Variants in PABPC4L observed in about 807,000 individuals in gnomAD.
PABPC4L encodes poly(A) binding protein cytoplasmic 4 like.
For missense variants in PABPC4L, 452 were observed against 451.4 expected (o/e 1.00, Z -0.01); for synonymous variants, 169 against 164.1 (o/e 1.03, Z -0.23).
At chr4:134,190,804 A>C in the PABPC4L span, among the ~76,000 whole-genome samples, 1 of 151,940 alleles carries the variant, frequency 6.6e-6, no homozygotes, top group African/African-American at 2.4e-5. Context: ...GGTGCACCTC[A>C]CCACGCCTAG....
rs1225584518 is a variant in PABPC4L at position 134,198,305 on chromosome 4, T to C, written c.*1602A>G. ...TAACAAATTATAATAGGGAATTGGT[T>C]TGCATAATACAATTATATGCAAATT... On this transcript the variant is annotated 3_prime_UTR_variant, in exon 2 of 2. Transcript: ENST00000421491. 1.3e-5 allele frequency: 2 copies of C among 151,664 alleles called. No individual in the cohort carries two copies. The highest frequency in any genetic ancestry group is 3.0e-5 in the Non-Finnish European group (2 of 67,692). 9.4% of individuals were successfully genotyped at this position (151,664 alleles called of 1,614,324 possible).
chr4:134,178,494 T>TA, the PABPC4L span, among the ~76,000 whole-genome samples: 4 of 151,572 alleles, frequency 2.6e-5, no homozygotes, highest in East Asian at 5.9e-4. Context: ...AGTGTTTTTT[T>TA]ACCTCCAAAT....
At chr4:133,959,389 A>C in the PABPC4L span, among the ~76,000 whole-genome samples, 1 of 152,210 alleles carries the variant, frequency 6.6e-6, no homozygotes, top group East Asian at 1.9e-4. Flanking sequence ...CAGAGCTGAC[A>C]TTTTAGATGA....
At chr4:134,173,961 C>G in the PABPC4L span, among the ~76,000 whole-genome samples, 3 of 152,014 alleles carry the variant, frequency 2.0e-5, no homozygotes, top group East Asian at 1.9e-4. Flanking sequence ...TTGGTAATAA[C>G]AGCTTAAAAC....
chr4:133,981,455 T>C, the PABPC4L span, among the ~76,000 whole-genome samples: 29 of 152,248 alleles, frequency 1.9e-4, no homozygotes, highest in African/African-American at 6.3e-4. Flanking sequence ...AAAAAATAGA[T>C]GTGCTCAATT....
At chr4:134,166,120 G>A in the PABPC4L span, among the ~76,000 whole-genome samples, 1 of 152,100 alleles carries the variant, frequency 6.6e-6, no homozygotes, top group Non-Finnish European at 1.5e-5. Flanking sequence ...ACACCACAGA[G>A]GCAGAAGCCA....
the PABPC4L span, among the ~76,000 whole-genome samples, chr4:134,031,460 A>T: frequency 6.6e-6 from 1 of 151,928 alleles, no homozygotes; most frequent in Non-Finnish European, 1.5e-5. Flanking sequence ...AGTAAATTGA[A>T]TTTTTTGTAA....
chr4:134,088,139 C>G, the PABPC4L span, among the ~76,000 whole-genome samples: 1 of 152,046 alleles, frequency 6.6e-6, no homozygotes, highest in Non-Finnish European at 1.5e-5. Flanking sequence ...ATTGTTATAT[C>G]CTCCTCATCT....
the PABPC4L span, among the ~76,000 whole-genome samples, chr4:133,996,383 G>A: frequency 3.9e-5 from 6 of 152,042 alleles, no homozygotes; most frequent in African/African-American, 1.4e-4. Flanking sequence ...ATGGGTTATG[G>A]GAAACAATAG....
chr4:133,968,986 G>T, the PABPC4L span, among the ~76,000 whole-genome samples: 2 of 152,164 alleles, frequency 1.3e-5, no homozygotes, highest in Non-Finnish European at 1.5e-5. Context: ...TCTAATAGGA[G>T]AAACTTTTAA....
At chr4:134,100,544 A>G in the PABPC4L span, among the ~76,000 whole-genome samples, 228 of 151,788 alleles carry the variant, frequency 1.5e-3, 1 homozygote, top group Middle Eastern at 3.4e-3. Context: ...CATGAATACA[A>G]TAATGCAACC....
At chr4:133,978,538 C>A in the PABPC4L span, among the ~76,000 whole-genome samples, 4 of 151,036 alleles carry the variant, frequency 2.6e-5, no homozygotes, top group Admixed American at 2.7e-4. Flanking sequence ...ATAGCTTGAG[C>A]CCGGGAGGTG....
the PABPC4L span, among the ~76,000 whole-genome samples, chr4:134,031,223 TC>T: frequency 2.0e-5 from 3 of 151,922 alleles, no homozygotes; most frequent in South Asian, 4.1e-4. Context: ...TAGGAAGGAG[TC>T]CGCCATAAAC....
the PABPC4L span, among the ~76,000 whole-genome samples, chr4:134,085,547 T>C: frequency 6.6e-6 from 1 of 152,126 alleles, no homozygotes; most frequent in Non-Finnish European, 1.5e-5. Context: ...CAAGAACTAC[T>C]GTAGAAATCT....
the PABPC4L span, among the ~76,000 whole-genome samples, chr4:134,173,972 A>G: frequency 5.9e-5 from 9 of 152,126 alleles, no homozygotes; most frequent in Admixed American, 5.9e-4. Context: ...AGCTTAAAAC[A>G]CAAACACATT....
chr4:134,025,091 G>A, the PABPC4L span, among the ~76,000 whole-genome samples: 1 of 150,666 alleles, frequency 6.6e-6, no homozygotes, highest in African/African-American at 2.4e-5. Context: ...AGCACTTTGG[G>A]AGGCCAAGGT....
At chr4:134,127,355 A>T in the PABPC4L span, among the ~76,000 whole-genome samples, 27 of 152,022 alleles carry the variant, frequency 1.8e-4, no homozygotes, top group Non-Finnish European at 3.2e-4. Flanking sequence ...ACACAAAACC[A>T]GTGTACTAAA....
At chr4:134,094,378 ACT>A in the PABPC4L span, among the ~76,000 whole-genome samples, 1 of 151,850 alleles carries the variant, frequency 6.6e-6, no homozygotes, top group Non-Finnish European at 1.5e-5. Flanking sequence ...TGATACTAAA[ACT>A]CTATGTCTAC....
the PABPC4L span, among the ~76,000 whole-genome samples, chr4:134,087,692 C>A: frequency 6.6e-6 from 1 of 152,256 alleles, no homozygotes; most frequent in South Asian, 2.1e-4. Context: ...AGTCCTTACC[C>A]AAGTCCTTTC....
Sources: allele counts gnomAD v4.1 joint callset (sites outside exome capture counted in the v4.1 genomes callset), GRCh38; gene constraint gnomAD v4.1.1; transcripts MANE v1.5; gene names NCBI Gene and HGNC (gene_info 2026-07-23, HGNC 2026-07-21).